Variants in LARS2 observed in about 807,000 individuals in gnomAD.
LARS2 encodes leucine--tRNA ligase, mitochondrial.
In LARS2, 81 loss-of-function variants were observed where a neutral mutation model predicts 116.6. The observed-to-expected ratio is 0.69, with a 90% CI of 0.58 to 0.84. The LOEUF is 0.84. LARS2 is among the 40% of genes least tolerant of loss of function. The pLI, the probability that LARS2 is intolerant of heterozygous loss-of-function variation, is 0.00. For synonymous variants in LARS2, 396 were observed against 407.2 expected, an observed-to-expected ratio of 0.97 and a Z score of 0.33; for missense variants, 968 against 1,114.5, an observed-to-expected ratio of 0.87 and a Z score of 1.87.
intron 6 of LARS2, among the ~76,000 whole-genome samples, chr3:45,435,048 A>G (rs1698776408): frequency 6.6e-6 from 1 of 152,174 alleles, no homozygotes; most frequent in Non-Finnish European, 1.5e-5. Flanking sequence ...CATCTGAAAG[A>G]TGCTTTTGTG....
At chr3:45,449,112 G>C (rs185673507) in intron 7 of LARS2, among the ~76,000 whole-genome samples, 1 of 152,056 alleles carries the variant, frequency 6.6e-6, no homozygotes, top group African/African-American at 2.4e-5. Flanking sequence ...GGGCAAGAGA[G>C]AGGGAGAGTG....
chr3:45,390,922 G>A (rs550811784), intron 1 of LARS2, among the ~76,000 whole-genome samples: 111 of 152,234 alleles, frequency 7.3e-4, no homozygotes, highest in African/African-American at 2.6e-3. Context: ...TTACAGGCGT[G>A]AGCCACCGCA....
At chr3:45,444,823 AAT>A (rs926769963) in intron 6 of LARS2, among the ~76,000 whole-genome samples, 9 of 150,832 alleles carry the variant, frequency 6.0e-5, no homozygotes, top group Non-Finnish European at 1.2e-4. Flanking sequence ...TTACATATAT[AAT>A]ATATATTATG....
At chr3:45,430,514 T>A (rs1295848807) in intron 6 of LARS2, among the ~76,000 whole-genome samples, 1 of 149,068 alleles carries the variant, frequency 6.7e-6, no homozygotes, top group Non-Finnish European at 1.5e-5. Context: ...TCTCCTGACC[T>A]CGTGATCTGC....
chr3:45,519,211 A>G (rs548090949), intron 18 of LARS2, among the ~76,000 whole-genome samples: 23 of 152,192 alleles, frequency 1.5e-4, no homozygotes, highest in Admixed American at 1.4e-3. Context: ...TGTAAAATTG[A>G]CAAGGCGCAG....
chr3:45,416,751 G>A (rs942004793), intron 4 of LARS2, among the ~76,000 whole-genome samples: 9 of 152,026 alleles, frequency 5.9e-5, no homozygotes, highest in African/African-American at 1.9e-4. Context: ...GTGGCTACTG[G>A]CTACCATATT....
At chr3:45,415,856 A>T (rs1165808647) in intron 4 of LARS2, among the ~76,000 whole-genome samples, 1,863 of 106,608 alleles carry the variant, frequency 0.017, 28 homozygotes, top group Admixed American at 0.023. Flanking sequence ...TCAAAAAAAA[A>T]AAAAATATAT....
intron 8 of LARS2, among the ~76,000 whole-genome samples, chr3:45,471,309 C>T (rs1007754783): frequency 2.0e-5 from 3 of 152,064 alleles, no homozygotes; most frequent in South Asian, 4.1e-4. Context: ...CAGAGTTGTT[C>T]GAGATGTTGA....
chr3:45,513,259 A>G (rs1296676474), intron 16 of LARS2, 24 bp downstream of exon 16: 2 of 1,465,228 alleles, frequency 1.4e-6, no homozygotes, highest in South Asian at 2.3e-5. Flanking sequence ...ATCTGGTCCC[A>G]TCCAGGTACT....
intron 13 of LARS2, 140 bp from the exon 14 acceptor site, chr3:45,496,135 A>G (rs1407319730): frequency 1.6e-6 from 1 of 643,610 alleles, no homozygotes. Context: ...CTGGGATTAC[A>G]AGCGTGAGCC....
At chr3:45,433,036 T>G (rs1416896492) in intron 6 of LARS2, among the ~76,000 whole-genome samples, 1 of 152,104 alleles carries the variant, frequency 6.6e-6, no homozygotes, top group African/African-American at 2.4e-5. Context: ...AATATGTTAA[T>G]ATAGCCACTT....
intron 7 of LARS2, among the ~76,000 whole-genome samples, chr3:45,456,679 G>C (rs1377919587): frequency 6.6e-6 from 1 of 152,198 alleles, no homozygotes; most frequent in Admixed American, 6.5e-5. Context: ...GTTCATTAAA[G>C]TTTTTAGATC....
intron 8 of LARS2, among the ~76,000 whole-genome samples, chr3:45,465,047 A>C (rs1699397534): frequency 1.3e-5 from 2 of 151,828 alleles, no homozygotes; most frequent in South Asian, 4.2e-4. Context: ...CCGGCTCTGG[A>C]CCCCTATTCT....
intron 8 of LARS2, among the ~76,000 whole-genome samples, chr3:45,464,863 C>A (rs1218879701): frequency 6.6e-6 from 1 of 152,142 alleles, no homozygotes; most frequent in Non-Finnish European, 1.5e-5. Flanking sequence ...GATGATGATG[C>A]TGCTTGGGTT....
intron 4 of LARS2, among the ~76,000 whole-genome samples, chr3:45,409,238 A>C (rs933390341): frequency 6.6e-6 from 1 of 152,092 alleles, no homozygotes; most frequent in Non-Finnish European, 1.5e-5. Flanking sequence ...TAGTTAGCAC[A>C]TGTGAGCTGT....
At chr3:45,469,508 G>A (rs1010647649) in intron 8 of LARS2, among the ~76,000 whole-genome samples, 1 of 152,094 alleles carries the variant, frequency 6.6e-6, no homozygotes, top group Admixed American at 6.6e-5. Context: ...ACCATGCCCA[G>A]CTAATTTTTG....
chr3:45,463,380 A>G (rs553787081), intron 8 of LARS2, among the ~76,000 whole-genome samples: 1 of 152,254 alleles, frequency 6.6e-6, no homozygotes, highest in Non-Finnish European at 1.5e-5. Context: ...CCCCCATACC[A>G]AATTGGTGGT....
intron 15 of LARS2, among the ~76,000 whole-genome samples, chr3:45,503,088 C>T (rs1700146943): frequency 6.6e-6 from 1 of 151,722 alleles, no homozygotes; most frequent in Non-Finnish European, 1.5e-5. Flanking sequence ...TGGAACCTCT[C>T]TGCTAGAGGT....
At chr3:45,494,571 C>T (rs1489020690) in intron 13 of LARS2, among the ~76,000 whole-genome samples, 2 of 152,124 alleles carry the variant, frequency 1.3e-5, no homozygotes, top group African/African-American at 4.8e-5. Flanking sequence ...CACAGAAGGC[C>T]CTGTTGATAG....
Sources: gnomAD v4.1 joint callset for allele counts (sites outside exome capture counted in the v4.1 genomes callset) on GRCh38, gnomAD v4.1.1 for gene constraint, MANE v1.5 for transcripts, NCBI Gene and HGNC (gene_info 2026-07-23, HGNC 2026-07-21) for gene names.